The following PIR variants were observed in gnomAD, a reference collection of about 807,000 sequenced individuals.
PIR encodes the protein pirin (iron-binding nuclear protein).
PIR carries 22 observed loss-of-function variants against 24.2 expected under a neutral mutation model. The ratio of observed to expected loss-of-function variants is 0.91; its 90% CI spans 0.65 to 1.30. PIR has a LOEUF of 1.30. Among genes scored for constraint, PIR ranks in the 50% most tolerant of loss-of-function variants. PIR has a pLI of 0.00. For missense variants in PIR, 220 were observed against 220.3 expected, an observed-to-expected ratio of 1.00 and a Z score of 0.01; for synonymous variants, 80 against 79.6, an observed-to-expected ratio of 1.00 and a Z score of -0.03.
chrX:15,464,654 C>T (rs999017099), intron 3 of PIR, among the ~76,000 whole-genome samples: 4 of 112,300 alleles, frequency 3.6e-5, no homozygotes, highest in Non-Finnish European at 7.5e-5. Context: ...AGGAACAAAG[C>T]ATTTAGGATC....
chrX:15,396,954 A>G (rs1402500226), intron 8 of PIR, among the ~76,000 whole-genome samples: 2 of 111,466 alleles, frequency 1.8e-5, no homozygotes, highest in South Asian at 3.8e-4. Flanking sequence ...GTTAGCCAGG[A>G]TGGTCTCGAT....
At chrX:15,439,973 T>A (rs1490024221) in intron 5 of PIR, among the ~76,000 whole-genome samples, 1 of 111,523 alleles carries the variant, frequency 9.0e-6, no homozygotes, top group African/African-American at 3.3e-5. Context: ...AAGCTGGTGT[T>A]AGACACAAAT....
chrX:15,408,905 A>G (rs1924634755), intron 6 of PIR, among the ~76,000 whole-genome samples: 1 of 111,718 alleles, frequency 9.0e-6, no homozygotes, highest in African/African-American at 3.3e-5. Context: ...AAAAGCTATA[A>G]CTGAGAAAAC....
At chrX:15,459,610 A>G (rs1434689557) in intron 4 of PIR, 47 bp downstream of exon 4, 6 of 770,444 alleles carry the variant, frequency 7.8e-6, no homozygotes, top group Middle Eastern at 2.8e-4. Context: ...AAGCACGTGC[A>G]CCCAAAAACT....
At chrX:15,478,027 G>A (rs1037391846) in intron 3 of PIR, among the ~76,000 whole-genome samples, 13 of 97,337 alleles carry the variant, frequency 1.3e-4, no homozygotes, top group African/African-American at 5.0e-4. Flanking sequence ...CCCCCCCCCA[G>A]AAAGCATTTT....
At chrX:15,425,486 A>T (rs1232417849) in intron 6 of PIR, among the ~76,000 whole-genome samples, 3 of 99,276 alleles carry the variant, frequency 3.0e-5, no homozygotes, top group East Asian at 3.0e-4. Context: ...ATCTCGGCTC[A>T]CTGCAACCTC....
Position 15,417,733 on chromosome X carries a change from T to C in PIR, c.565+8173A>G, listed in dbSNP as rs1924973244. Among the ~76,000 whole-genome samples, 4 of 111,588 alleles carry C rather than the reference T, an allele frequency of 3.6e-5. No individual in the cohort carries two copies. In the Admixed American group the frequency reaches 3.8e-4, roughly 11 times the overall value. On this transcript the variant is annotated intron_variant, in intron 6 of 9. Coordinates refer to ENST00000380420, the MANE Select transcript of PIR (RefSeq NM_001018109.3). ...AACTTCTAGAGGTTGCCACTAATCC[T>C]TGGCTTGTGGGCCCTTCCATTTTCA...
At chrX:15,490,052 G>A (rs949662921) in intron 2 of PIR, among the ~76,000 whole-genome samples, 3 of 111,596 alleles carry the variant, frequency 2.7e-5, no homozygotes, top group African/African-American at 9.8e-5. Context: ...TTGGCTAAGA[G>A]AGACTTTAAG....
At chrX:15,397,824 T>C (rs1332858003) in intron 7 of PIR, among the ~76,000 whole-genome samples, 1 of 111,995 alleles carries the variant, frequency 8.9e-6, no homozygotes, top group African/African-American at 3.2e-5. Flanking sequence ...CTTAGGTAAA[T>C]TATAAAGTTT....
chrX:15,445,820 CTTTTTTTTTTTT>C (rs1192838504), intron 5 of PIR, among the ~76,000 whole-genome samples: 1 of 64,921 alleles, frequency 1.5e-5, no homozygotes, highest in Non-Finnish European at 2.9e-5. Flanking sequence ...CAAGATATTT[CTTTTTTTTTTTT>C]TTTTTTTTTT....
At chrX:15,453,322 A>G (rs952548813) in intron 5 of PIR, among the ~76,000 whole-genome samples, 4 of 112,474 alleles carry the variant, frequency 3.6e-5, no homozygotes, top group Non-Finnish European at 7.5e-5. Flanking sequence ...GATGCTTACA[A>G]TGTGTCTGGC....
chrX:15,460,148 C>T (rs779506034), intron 3 of PIR, among the ~76,000 whole-genome samples: 7 of 111,141 alleles, frequency 6.3e-5, no homozygotes, highest in South Asian at 3.8e-4. Flanking sequence ...GCTGGTGGAA[C>T]GGTAAATTAG....
intron 2 of PIR, among the ~76,000 whole-genome samples, chrX:15,481,641 T>G (rs1922508709): frequency 8.9e-6 from 1 of 111,983 alleles, no homozygotes; most frequent in African/African-American, 3.2e-5. Context: ...GCAAACAGCA[T>G]TTACACATTA....
chrX:15,387,251 A>G (rs1430913792), intron 9 of PIR, among the ~76,000 whole-genome samples: 1 of 106,369 alleles, frequency 9.4e-6, no homozygotes, highest in Non-Finnish European at 1.9e-5. Flanking sequence ...ACGTGCCACC[A>G]TGCCCGGCTA....
At chrX:15,470,553 T>C (rs1306047024) in intron 3 of PIR, among the ~76,000 whole-genome samples, 1 of 110,510 alleles carries the variant, frequency 9.0e-6, no homozygotes, top group African/African-American at 3.3e-5. Flanking sequence ...TTATAGTCTT[T>C]ATTACATTTC....
At chrX:15,403,994 T>A (rs1281464069) in intron 7 of PIR, among the ~76,000 whole-genome samples, 10 of 16,829 alleles carry the variant, frequency 5.9e-4, no homozygotes, top group African/African-American at 1.8e-3. Context: ...CAGCATTTTC[T>A]TTTTTTTTTT....
At chrX:15,387,073 C>CTTTTTTTTTTTTTTTT (rs764572854) in intron 9 of PIR, among the ~76,000 whole-genome samples, 2 of 12,698 alleles carry the variant, frequency 1.6e-4, no homozygotes, top group Non-Finnish European at 3.0e-4. Context: ...CTTTTCTTTT[C>CTTTTTTTTTTTTTTTT]TTTTTTTTTT....
intron 4 of PIR, among the ~76,000 whole-genome samples, chrX:15,457,720 T>C (rs955983372): frequency 4.5e-5 from 5 of 112,211 alleles, no homozygotes; most frequent in Admixed American, 2.8e-4. Flanking sequence ...GTGCATACTT[T>C]AAAGATTTTT....
intron 5 of PIR, among the ~76,000 whole-genome samples, chrX:15,449,183 A>G (rs1407910821): frequency 8.9e-6 from 1 of 111,963 alleles, no homozygotes; most frequent in Non-Finnish European, 1.9e-5. Context: ...ACCTTGGTGC[A>G]TAGAAGCAAG....
Sources: allele counts gnomAD v4.1 joint callset (sites outside exome capture counted in the v4.1 genomes callset), GRCh38; gene constraint gnomAD v4.1.1; transcripts MANE v1.5; gene names NCBI Gene and HGNC (gene_info 2026-07-23, HGNC 2026-07-21).